The following CIMAP2 variants were observed in gnomAD, a reference collection of about 807,000 sequenced individuals.
The protein encoded by CIMAP2 is ciliary microtubule associated protein 2.
At chr1:54,833,846 T>A in the CIMAP2 span, among the ~76,000 whole-genome samples, 1 of 152,160 alleles carries the variant, frequency 6.6e-6, no homozygotes, top group Non-Finnish European at 1.5e-5. Flanking sequence ...TTGTTCTTTT[T>A]TTTTTAATTT....
At chr1:54,813,868 T>C in the CIMAP2 span, 1 of 1,613,798 alleles carries the variant, frequency 6.2e-7, no homozygotes, top group South Asian at 1.1e-5. Flanking sequence ...AGAACTTAAC[T>C]CACATCACAA....
chr1:54,812,172 G>A, the CIMAP2 span: 1 of 1,614,194 alleles, frequency 6.2e-7, no homozygotes, highest in African/African-American at 1.3e-5. Flanking sequence ...ACTGCCTTAT[G>A]GGCACTACTC....
At chr1:54,811,765 G>GCCGGGGGGGGCCCCCCCCCCCCCCCCCCC in the CIMAP2 span, 1 of 1,301,332 alleles carries the variant, frequency 7.7e-7, no homozygotes, top group Non-Finnish European at 1.1e-6. Flanking sequence ...GGTTCTGACA[G>GCCGGGGGGGGCCCCCCCCCCCCCCCCCCC]CCTCCATGCC....
At chr1:54,811,765 G>GGGGGGGGGGGGGGGCCCC in the CIMAP2 span, 1 of 1,301,332 alleles carries the variant, frequency 7.7e-7, no homozygotes, top group Non-Finnish European at 1.1e-6. Context: ...GGTTCTGACA[G>GGGGGGGGGGGGGGGCCCC]CCTCCATGCC....
At chr1:54,836,482 G>A in the CIMAP2 span, among the ~76,000 whole-genome samples, 60 of 151,906 alleles carry the variant, frequency 3.9e-4, no homozygotes, top group East Asian at 4.6e-3. Flanking sequence ...GGCTGGAGGG[G>A]TGATCACTCT....
chr1:54,812,035 C>T, the CIMAP2 span: 3 of 1,614,074 alleles, frequency 1.9e-6, no homozygotes, highest in African/African-American at 2.7e-5. Flanking sequence ...ATCACCTCTG[C>T]TGTGCTCTAG....
At chr1:54,811,765 G>GGGGGGGGGGGGGGCGCCCCCCCC in the CIMAP2 span, 1 of 1,301,332 alleles carries the variant, frequency 7.7e-7, no homozygotes, top group Non-Finnish European at 1.1e-6. Context: ...GGTTCTGACA[G>GGGGGGGGGGGGGGCGCCCCCCCC]CCTCCATGCC....
At chr1:54,811,766 C>CGGGGCGGGGGG in the CIMAP2 span, 2 of 1,305,188 alleles carry the variant, frequency 1.5e-6, no homozygotes, top group Non-Finnish European at 2.2e-6. Flanking sequence ...GTTCTGACAG[C>CGGGGCGGGGGG]CTCCATGCCC....
chr1:54,841,939 T>C, the CIMAP2 span: 4 of 1,473,904 alleles, frequency 2.7e-6, no homozygotes, highest in Non-Finnish European at 3.7e-6. Flanking sequence ...AATCTGGGGG[T>C]GACAGCATGG....
At chr1:54,828,210 T>G in the CIMAP2 span, among the ~76,000 whole-genome samples, 7 of 152,320 alleles carry the variant, frequency 4.6e-5, no homozygotes, top group East Asian at 1.3e-3. Flanking sequence ...GAGTTAATTT[T>G]AAAACCGTAG....
At chr1:54,828,366 G>A in the CIMAP2 span, among the ~76,000 whole-genome samples, 5 of 152,082 alleles carry the variant, frequency 3.3e-5, no homozygotes, top group South Asian at 4.1e-4. Flanking sequence ...CATCCAGGGC[G>A]GGGGTGCCAC....
the CIMAP2 span, among the ~76,000 whole-genome samples, chr1:54,823,413 C>T: frequency 1.8e-3 from 267 of 151,670 alleles, 1 homozygote; most frequent in Non-Finnish European, 3.4e-3. Flanking sequence ...ATTTTGGTTT[C>T]CATTTTTGTG....
the CIMAP2 span, chr1:54,811,762 A>ACCGC: frequency 1.6e-6 from 2 of 1,258,436 alleles, no homozygotes; most frequent in Non-Finnish European, 1.1e-6. Flanking sequence ...AGTGGTTCTG[A>ACCGC]CAGCCTCCAT....
the CIMAP2 span, among the ~76,000 whole-genome samples, chr1:54,808,271 G>A: frequency 3.3e-5 from 5 of 152,198 alleles, no homozygotes; most frequent in Non-Finnish European, 5.9e-5. Context: ...GCAGGGCTAT[G>A]AACACAAATT....
At chr1:54,824,909 G>GAA in the CIMAP2 span, among the ~76,000 whole-genome samples, 1 of 150,800 alleles carries the variant, frequency 6.6e-6, no homozygotes, top group Non-Finnish European at 1.5e-5. Context: ...TGTTACTGGA[G>GAA]AAATATTGTA....
chr1:54,812,690 G>T, the CIMAP2 span, among the ~76,000 whole-genome samples: 1 of 152,190 alleles, frequency 6.6e-6, no homozygotes, highest in Non-Finnish European at 1.5e-5. Flanking sequence ...GCTGCATTTT[G>T]CTTGCTTTGT....
At chr1:54,827,344 T>C in the CIMAP2 span, among the ~76,000 whole-genome samples, 1 of 152,218 alleles carries the variant, frequency 6.6e-6, no homozygotes, top group African/African-American at 2.4e-5. Context: ...GCTGCTCTTT[T>C]GCAAAGTCCA....
chr1:54,817,743 T>C, the CIMAP2 span, among the ~76,000 whole-genome samples: 1 of 150,956 alleles, frequency 6.6e-6, no homozygotes, highest in Non-Finnish European at 1.5e-5. Context: ...TTTTTGAAAT[T>C]ATGGTGAGGA....
At chr1:54,836,345 T>C in the CIMAP2 span, among the ~76,000 whole-genome samples, 2 of 151,278 alleles carry the variant, frequency 1.3e-5, no homozygotes, top group Admixed American at 1.3e-4. Flanking sequence ...TGTGTCCCCC[T>C]TTCCTTATTC....
Sources: gnomAD v4.1 joint callset for allele counts (sites outside exome capture counted in the v4.1 genomes callset) on GRCh38, gnomAD v4.1.1 for gene constraint, MANE v1.5 for transcripts, NCBI Gene and HGNC (gene_info 2026-07-23, HGNC 2026-07-21) for gene names.